Variants in EPHB1 observed in about 807,000 individuals in gnomAD.
EPHB1 encodes ephrin type-B receptor 1.
In EPHB1, 30 loss-of-function variants were observed where a neutral mutation model predicts 94.4. The ratio of observed to expected loss-of-function variants is 0.32; its 90% CI spans 0.24 to 0.43. The LOEUF (loss-of-function observed/expected upper bound fraction) is 0.43. Among genes scored for constraint, EPHB1 ranks in the 20% least tolerant of loss-of-function variants. The pLI is 1.00. For missense variants in EPHB1, 1,055 were observed against 1,308.3 expected (o/e 0.81, Z 2.99); for synonymous variants, 522 against 489.1 (o/e 1.07, Z -0.89).
intron 4 of EPHB1, among the ~76,000 whole-genome samples, chr3:135,128,807 G>A (rs1455872693): frequency 4.6e-5 from 7 of 152,188 alleles, no homozygotes; most frequent in Non-Finnish European, 1.0e-4. Flanking sequence ...GAGTAAATGA[G>A]TGAATGAGTA....
chr3:135,190,507 T>G (rs1305067308), intron 10 of EPHB1, among the ~76,000 whole-genome samples: 1 of 152,196 alleles, frequency 6.6e-6, no homozygotes, highest in Non-Finnish European at 1.5e-5. Flanking sequence ...CATGCATACA[T>G]ATATGCTACA....
chr3:134,889,739 G>A (rs1463188877), intron 1 of EPHB1, among the ~76,000 whole-genome samples: 2 of 150,562 alleles, frequency 1.3e-5, no homozygotes, highest in Admixed American at 6.6e-5. Context: ...GTGCACTGGC[G>A]CGATCTCCGC....
At position 134,941,745 on chromosome 3, in the gene EPHB1, G is replaced by GCACACA. The variant is rs1491550727; in HGVS notation, c.124-9625_124-9620dup. On this transcript the variant is annotated intron_variant, in intron 2 of 15. Coordinates refer to ENST00000398015, the MANE Select transcript of EPHB1 (RefSeq NM_004441.5). ...AGTTTTGATAGCATGCTTTACATAT[G>GCACACA]CACACAGACACACACACACACACAC... 3.9e-4 allele frequency among the ~76,000 whole-genome samples: 36 copies of GCACACA among 92,694 alleles called. 1 individual carries two copies. The highest frequency in any genetic ancestry group is 1.4e-3 in the Admixed American group (12 of 8,596). The allele number at this position is 92,694 out of a possible 152,430, so 60.8% of individuals were successfully genotyped here. A position where few individuals can be genotyped will look rare whatever the true frequency, so the allele number is the denominator to read the frequency against.
At chr3:135,061,670 A>G (rs1042842207) in intron 3 of EPHB1, among the ~76,000 whole-genome samples, 9 of 151,938 alleles carry the variant, frequency 5.9e-5, no homozygotes, top group Non-Finnish European at 1.2e-4. Flanking sequence ...ATATGTATAC[A>G]TGTTCCATGT....
chr3:134,951,414 G>C lies in EPHB1; in HGVS notation c.167G>C (p.Arg56Pro), dbSNP rs1933024328. Residue 56 changes from arginine (R) to proline (P), a missense_variant, in exon 3 of 16, where the codon CGC becomes CCC. Coordinates refer to ENST00000398015, the MANE Select transcript of EPHB1 (RefSeq NM_004441.5). This position sits in a 1 kb window ranked among gnomAD's most constrained non-coding sequence, Gnocchi z 4.5. ...TACGATGAAAACCTGAACACCATCC[G>C]CACCTACCAGGTGTGCAATGTCTTC... ...SGYDENLNTI[R>P]TYQVCNVFEP... 1 of 1,597,806 alleles carries C rather than the reference G, an allele frequency of 6.3e-7. No homozygotes were observed. Among genetic ancestry groups the C allele is most frequent in the Non-Finnish European group, 8.5e-7 (1 of 1,170,844 alleles).
intron 1 of EPHB1, among the ~76,000 whole-genome samples, chr3:134,859,315 T>TA (rs1456735176): frequency 6.6e-6 from 1 of 152,212 alleles, no homozygotes; most frequent in African/African-American, 2.4e-5. Flanking sequence ...CAGGGGGAGT[T>TA]AATCAGGAGG....
At chr3:134,846,885 AAAG>A (rs2108298252) in intron 1 of EPHB1, among the ~76,000 whole-genome samples, 2 of 152,298 alleles carry the variant, frequency 1.3e-5, no homozygotes, top group East Asian at 3.9e-4. Context: ...GGCAAAAACA[AAAG>A]AATCCATTTA....
rs1320700778 is a variant in EPHB1 at position 135,092,122 on chromosome 3, C to T, written c.806-14326C>T. Among the ~76,000 whole-genome samples, 7 of 152,180 alleles carry T rather than the reference C, an allele frequency of 4.6e-5. No homozygotes were observed. In the East Asian group the frequency reaches 1.3e-3, roughly 29 times the overall value. On this transcript the variant is annotated intron_variant, in intron 3 of 15. Transcript: ENST00000398015. ...TGCCAGCATATGTCCTGCTCATCCC[C>T]TGCCTGGAGCTACCAGATTGATGGT...
intron 3 of EPHB1, among the ~76,000 whole-genome samples, chr3:135,052,306 T>A (rs1295394466): frequency 6.6e-6 from 1 of 152,172 alleles, no homozygotes; most frequent in Non-Finnish European, 1.5e-5. Flanking sequence ...GGAAAATTGA[T>A]CAGAATGATT....
intron 3 of EPHB1, among the ~76,000 whole-genome samples, chr3:134,983,396 T>C (rs555847233): frequency 6.6e-6 from 1 of 152,378 alleles, no homozygotes; most frequent in Admixed American, 6.5e-5. Flanking sequence ...GTGTGACTAA[T>C]TACAGGTGTA....
At chr3:135,123,486 A>C (rs1341116062) in intron 4 of EPHB1, among the ~76,000 whole-genome samples, 1 of 152,150 alleles carries the variant, frequency 6.6e-6, no homozygotes, top group East Asian at 1.9e-4. Flanking sequence ...AAAATTGGTC[A>C]TTTGGGCAGT....
At chr3:135,249,512 T>C in intron 15 of EPHB1, 21 bp downstream of exon 15, 2 of 1,607,206 alleles carry the variant, frequency 1.2e-6, no homozygotes, top group Non-Finnish European at 1.7e-6. Flanking sequence ...AGAATCTCTC[T>C]GTCCAGACCA....
At chr3:134,926,421 T>G (rs1008581415) in intron 2 of EPHB1, among the ~76,000 whole-genome samples, 2 of 151,662 alleles carry the variant, frequency 1.3e-5, no homozygotes, top group African/African-American at 4.9e-5. Context: ...GGGCACAGAG[T>G]TGGGAATGAG....
At chr3:135,022,057 G>A (rs1274273323) in intron 3 of EPHB1, among the ~76,000 whole-genome samples, 3 of 152,182 alleles carry the variant, frequency 2.0e-5, no homozygotes, top group Non-Finnish European at 2.9e-5. Context: ...TCGGCTCACT[G>A]CAAGCTCTGC....
At chr3:135,113,935 ACTC>A (rs1939570223) in intron 4 of EPHB1, among the ~76,000 whole-genome samples, 1 of 152,000 alleles carries the variant, frequency 6.6e-6, no homozygotes. Flanking sequence ...TGTGATCCTC[ACTC>A]CAGAGCAAGG....
intron 10 of EPHB1, among the ~76,000 whole-genome samples, chr3:135,186,075 A>G (rs918020546): frequency 2.6e-5 from 4 of 152,252 alleles, no homozygotes; most frequent in African/African-American, 9.6e-5. Context: ...GCTTATGAAA[A>G]TAAGCTAATT....
In EPHB1 at chr3:135,183,039, TTTCTTTCTTTCTTTCTTTC is replaced by T. The variant is rs1559865349; in HGVS notation, c.1882+3060_1882+3078del. Reference sequence around the variant, plus strand: ...TCTTTTCTTTTCTTTTCTTTCTTTCTTTCTTTCTTTCTTTCTTTCTTTCTTTCTTTCTTTCTTTCTCTTT... The same window carrying T: ...TCTTTTCTTTTCTTTTCTTTCTTTCTTTTCTTTCTTTCTTTCTTTCTCTTT... On this transcript the variant is annotated intron_variant, in intron 10 of 15. Coordinates refer to ENST00000398015, the MANE Select transcript of EPHB1 (RefSeq NM_004441.5). Among the ~76,000 whole-genome samples, 179 of 89,564 alleles carry T rather than the reference TTTCTTTCTTTCTTTCTTTC, an allele frequency of 2.0e-3. 3 individuals carry two copies. In the South Asian group the frequency reaches 0.021, roughly 11 times the overall value. 58.8% of individuals were successfully genotyped at this position (89,564 alleles called of 152,430 possible).
chr3:135,125,214 C>T (rs1487767525), intron 4 of EPHB1, among the ~76,000 whole-genome samples: 1 of 151,558 alleles, frequency 6.6e-6, no homozygotes, highest in Non-Finnish European at 1.5e-5. Context: ...TTCCTCGTTT[C>T]CCATATTGCC....
At chr3:134,972,284 T>A (rs1933999295) in intron 3 of EPHB1, among the ~76,000 whole-genome samples, 1 of 151,490 alleles carries the variant, frequency 6.6e-6, no homozygotes. Context: ...GCTTCTTAAC[T>A]GTACAGAGAG....
Sources: gnomAD v4.1 joint callset for allele counts (sites outside exome capture counted in the v4.1 genomes callset) on GRCh38, gnomAD v4.1.1 for gene constraint, Gnocchi (gnomAD v3.1) non-coding constraint, MANE v1.5 for transcripts, NCBI Gene and HGNC (gene_info 2026-07-23, HGNC 2026-07-21) for gene names.